GRIP1: variants seen among roughly 807,000 people sequenced by gnomAD.
GRIP1 encodes the protein glutamate receptor-interacting protein 1.
In GRIP1, 45 loss-of-function variants were observed where a neutral mutation model predicts 129.9. The observed-to-expected ratio is 0.35, with a 90% CI of 0.27 to 0.44. GRIP1 has a LOEUF of 0.44. Among genes scored for constraint, GRIP1 ranks in the 20% least tolerant of loss-of-function variants. GRIP1 has a pLI of 1.00. For synonymous variants in GRIP1, 530 were observed against 520.8 expected (o/e 1.02, Z -0.24); for missense variants, 1,196 against 1,396.8 (o/e 0.86, Z 2.29).
intron 1 of GRIP1, among the ~76,000 whole-genome samples, chr12:66,741,578 C>A (rs1258280384): frequency 6.6e-6 from 1 of 152,030 alleles, no homozygotes; most frequent in East Asian, 1.9e-4. Flanking sequence ...CACATGTAAG[C>A]AAATATAAAA....
At chr12:66,769,286 A>C (rs1023717124) in intron 1 of GRIP1, among the ~76,000 whole-genome samples, 1 of 150,476 alleles carries the variant, frequency 6.6e-6, no homozygotes, top group African/African-American at 2.5e-5. Flanking sequence ...CACTGCCATC[A>C]GCATCCCCTG....
chr12:66,720,739 T>C (rs2036032057), intron 1 of GRIP1, among the ~76,000 whole-genome samples: 1 of 152,184 alleles, frequency 6.6e-6, no homozygotes, highest in African/African-American at 2.4e-5. Context: ...AATTAGGTCA[T>C]ATCTTTAGGC....
chr12:66,778,058 C>A (rs1459383489), intron 1 of GRIP1, among the ~76,000 whole-genome samples: 1 of 152,112 alleles, frequency 6.6e-6, no homozygotes, highest in African/African-American at 2.4e-5. Context: ...AAATACCTTA[C>A]TAATAATTTT....
intron 1 of GRIP1, among the ~76,000 whole-genome samples, chr12:66,927,684 G>T (rs980501547): frequency 1.3e-5 from 2 of 152,082 alleles, no homozygotes; most frequent in Admixed American, 6.5e-5. Flanking sequence ...TGTAAGAGGG[G>T]TTACCCACCT....
intron 1 of GRIP1, among the ~76,000 whole-genome samples, chr12:66,639,211 A>G (rs1318691203): frequency 6.6e-6 from 1 of 152,176 alleles, no homozygotes; most frequent in Non-Finnish European, 1.5e-5. Context: ...TAGTATTACT[A>G]ATCACAGAGT....
At chr12:66,793,563 A>G (rs2038607638) in intron 1 of GRIP1, among the ~76,000 whole-genome samples, 1 of 152,216 alleles carries the variant, frequency 6.6e-6, no homozygotes, top group Admixed American at 6.5e-5. Flanking sequence ...CATTCACCTC[A>G]TTACAAAAAT....
intron 1 of GRIP1, among the ~76,000 whole-genome samples, chr12:67,031,676 T>C (rs888361571): frequency 6.6e-6 from 1 of 152,188 alleles, no homozygotes; most frequent in African/African-American, 2.4e-5. Flanking sequence ...CAGACACCCA[T>C]GTTGAAAACC....
intron 1 of GRIP1, among the ~76,000 whole-genome samples, chr12:66,737,607 G>GC (rs1327091716): frequency 1.3e-5 from 2 of 152,090 alleles, no homozygotes; most frequent in Non-Finnish European, 2.9e-5. Flanking sequence ...TATCTCTCCA[G>GC]CATTTCCAGC....
At chr12:66,964,348 A>G (rs10878544) in intron 1 of GRIP1, among the ~76,000 whole-genome samples, 42,544 of 151,934 alleles carry the variant, frequency 0.28, 5,954 homozygotes, top group Middle Eastern at 0.35. Flanking sequence ...AAATGAGTAT[A>G]AACACATGTG....
intron 1 of GRIP1, among the ~76,000 whole-genome samples, chr12:66,824,133 G>C (rs2039368070): frequency 6.6e-6 from 1 of 152,118 alleles, no homozygotes; most frequent in Admixed American, 6.6e-5. Context: ...GCCTGAGTCT[G>C]CCAGGATTTT....
chr12:66,562,298 T>G (rs901609987), intron 2 of GRIP1, among the ~76,000 whole-genome samples: 4 of 152,184 alleles, frequency 2.6e-5, no homozygotes, highest in Non-Finnish European at 5.9e-5. Context: ...CCAGTGTCAC[T>G]GATGTCCATA....
At chr12:67,067,148 G>GTCTC (rs1188440882) in intron 1 of GRIP1, among the ~76,000 whole-genome samples, 2 of 151,878 alleles carry the variant, frequency 1.3e-5, no homozygotes, top group Admixed American at 1.3e-4. Context: ...TCCTATTGGG[G>GTCTC]GAGATAAGGC....
chr12:66,888,262 T>C lies in GRIP1; in HGVS notation c.58+180788A>G, dbSNP rs2040599328. ...TTTTTGTGGAGATGGGGTCTCAATA[T>C]GCTGCCCCAGCTGGTCTCAAACTCT... On this transcript the variant is annotated intron_variant, in intron 1 of 1. Transcript: ENST00000643019. 2.6e-5 allele frequency among the ~76,000 whole-genome samples: 4 copies of C among 152,116 alleles called. No homozygotes were observed. The South Asian group carries it at 8.3e-4, about 32-fold the overall frequency.
intron 1 of GRIP1, among the ~76,000 whole-genome samples, chr12:66,698,467 C>T (rs1592753507): frequency 6.6e-6 from 1 of 152,188 alleles, no homozygotes; most frequent in Non-Finnish European, 1.5e-5. Context: ...CATGAACCCA[C>T]ATTCTACACA....
At chr12:66,664,788 T>C (rs1349330029) in intron 1 of GRIP1, among the ~76,000 whole-genome samples, 1 of 152,192 alleles carries the variant, frequency 6.6e-6, no homozygotes, top group Non-Finnish European at 1.5e-5. Flanking sequence ...ATGGTAGCTA[T>C]TGTTATTAGT....
In GRIP1 at chr12:66,919,077, C is replaced by A. The variant is rs543627443; in HGVS notation, c.58+149973G>T. Among the ~76,000 whole-genome samples the A allele has an allele frequency of 7.9e-5, 12 of 152,220 alleles. No individual in the cohort carries two copies. The East Asian group carries it at 2.1e-3, about 27-fold the overall frequency. Reference sequence around the variant, plus strand: ...ATAACACCATGACTTTCTGCAGTTTCAGAAAAGCAGTTTTGTTAGGTTCCC... The same window carrying A: ...ATAACACCATGACTTTCTGCAGTTTAAGAAAAGCAGTTTTGTTAGGTTCCC... On this transcript the variant is annotated intron_variant, in intron 1 of 1. Coordinates refer to the GRIP1 transcript ENST00000643019.
At chr12:67,050,837 A>G (rs2043333750) in intron 1 of GRIP1, among the ~76,000 whole-genome samples, 1 of 152,152 alleles carries the variant, frequency 6.6e-6, no homozygotes, top group Non-Finnish European at 1.5e-5. Context: ...AAGAGGCACA[A>G]TGAACTTTCA....
intron 1 of GRIP1, among the ~76,000 whole-genome samples, chr12:66,688,497 A>C (rs2136305167): frequency 6.6e-6 from 1 of 152,304 alleles, no homozygotes; most frequent in Non-Finnish European, 1.5e-5. Flanking sequence ...CATTTGTAAT[A>C]TAGTTATATA....
intron 1 of GRIP1, among the ~76,000 whole-genome samples, chr12:66,822,960 G>A (rs2039346753): frequency 1.3e-5 from 2 of 152,156 alleles, no homozygotes; most frequent in South Asian, 2.1e-4. Flanking sequence ...GCTTGCACAT[G>A]CACTCCCTGA....
Sources: allele counts gnomAD v4.1 joint callset (sites outside exome capture counted in the v4.1 genomes callset), GRCh38; gene constraint gnomAD v4.1.1; transcripts MANE v1.5; gene names NCBI Gene and HGNC (gene_info 2026-07-23, HGNC 2026-07-21).